Variants in EFTUD2 observed in about 807,000 individuals in gnomAD.
EFTUD2 encodes 116 kDa U5 small nuclear ribonucleoprotein component.
Under a neutral mutation model 114.3 loss-of-function variants are expected in EFTUD2, and 9 were observed. The observed-to-expected ratio is 0.08, with a 90% CI of 0.05 to 0.14. The LOEUF (loss-of-function observed/expected upper bound fraction) is 0.14, where lower values mean the gene tolerates loss of function less well. EFTUD2 is among the 10% of genes least tolerant of loss of function. The pLI is 1.00. For synonymous variants in EFTUD2, 449 were observed against 462.3 expected (o/e 0.97, Z 0.37); for missense variants, 765 against 1,241.2 (o/e 0.62, Z 5.76).
At position 44,876,390 on chromosome 17, in the gene EFTUD2, C is replaced by T. The variant is rs7226037; in HGVS notation, c.703-290G>A. Among the ~76,000 whole-genome samples, 19,120 of 152,106 alleles carry T rather than the reference C, an allele frequency of 0.13. 1,385 individuals are homozygous for T. Among genetic ancestry groups the T allele is most frequent in the Non-Finnish European group, 0.17 (11,507 of 67,984 alleles). On this transcript the variant is annotated intron_variant, in intron 9 of 27. Coordinates refer to ENST00000426333, the MANE Select transcript of EFTUD2 (RefSeq NM_004247.4). ...AGAAGGCTGGGAAGAGCCAGTGGTG[C>T]TGAAATGGAATTGGGGGTATTAGGA...
At chr17:44,896,434 TC>T (rs2051386458) in intron 1 of EFTUD2, among the ~76,000 whole-genome samples, 1 of 152,062 alleles carries the variant, frequency 6.6e-6, no homozygotes, top group Non-Finnish European at 1.5e-5. Context: ...GATCATGAGG[TC>T]AGGAGATAGA....
intron 15 of EFTUD2, 72 bp from the exon 16 acceptor site, chr17:44,862,978 C>T: frequency 7.5e-7 from 1 of 1,340,084 alleles, no homozygotes; most frequent in Non-Finnish European, 1.0e-6. Flanking sequence ...CGCCATCTTC[C>T]TTGACAGCAA....
At chr17:44,883,235 A>G (rs1180966141) in intron 5 of EFTUD2, 77 bp from the exon 6 acceptor site, 5 of 1,352,726 alleles carry the variant, frequency 3.7e-6, no homozygotes, top group Non-Finnish European at 5.3e-6. Context: ...CTCCCAATAC[A>G]CCACATAATT....
intron 1 of EFTUD2, among the ~76,000 whole-genome samples, chr17:44,898,522 T>C (rs141643780): frequency 3.2e-4 from 49 of 152,308 alleles, no homozygotes; most frequent in African/African-American, 1.1e-3. Flanking sequence ...GCCCGGCCGA[T>C]TGAAGAAACT....
In EFTUD2 at chr17:44,883,742, A is replaced by G. The variant is rs193097454; in HGVS notation, c.351-18T>C. The G allele has an allele frequency of 8.7e-5, 141 of 1,612,922 alleles. No individual in the cohort carries two copies. The African/African-American group carries it at 1.8e-3, about 21-fold the overall frequency. On this transcript the variant is annotated intron_variant, in intron 4 of 27. Coordinates refer to ENST00000426333, the MANE Select transcript of EFTUD2 (RefSeq NM_004247.4). Reference sequence around the variant, plus strand: ...CCAAGAAACTGAAAGGACAAAGGAAAAGAGAAAAGAGAGATTGGCAAACGT... The same window carrying G: ...CCAAGAAACTGAAAGGACAAAGGAAGAGAGAAAAGAGAGATTGGCAAACGT...
chr17:44,859,641 GCACA>G (rs139421777), intron 18 of EFTUD2: 53 of 517,106 alleles, frequency 1.0e-4, no homozygotes, highest in South Asian at 1.8e-4. Flanking sequence ...ACACAAATAC[GCACA>G]CACACACACA....
At chr17:44,869,469 T>A (rs1026300435) in intron 11 of EFTUD2, among the ~76,000 whole-genome samples, 1 of 152,146 alleles carries the variant, frequency 6.6e-6, no homozygotes, top group Non-Finnish European at 1.5e-5. Context: ...CAGCTAATTT[T>A]TAAAATTTTT....
intron 16 of EFTUD2, 64 bp downstream of exon 16, chr17:44,862,649 G>T: frequency 6.7e-7 from 1 of 1,484,364 alleles, no homozygotes; most frequent in Non-Finnish European, 9.1e-7. Context: ...ACTCCTTCCA[G>T]CTCCTTGGGG....
chr17:44,881,879 G>A lies in EFTUD2; in HGVS notation c.493-157C>T, dbSNP rs1001019638. ...TGTCCCCACAGCAATTACAGACAAT[G>A]AGACCAGTGCCCTCCCAGCTGGAAA... On this transcript the variant is annotated intron_variant, in intron 6 of 27. Transcript: ENST00000426333. 9 of 656,286 alleles carry A rather than the reference G, an allele frequency of 1.4e-5. No individual in the cohort carries two copies. In the South Asian group the frequency reaches 1.6e-4, roughly 12 times the overall value. 40.7% of individuals were successfully genotyped at this position (656,286 alleles called of 1,614,324 possible). A position where few individuals can be genotyped will look rare whatever the true frequency, so the allele number is the denominator to read the frequency against.
intron 10 of EFTUD2, among the ~76,000 whole-genome samples, chr17:44,875,401 G>A (rs548499379): frequency 6.6e-6 from 1 of 151,952 alleles, no homozygotes; most frequent in Non-Finnish European, 1.5e-5. Flanking sequence ...GTGGTGACGG[G>A]TGCCTGTAGT....
In EFTUD2 at chr17:44,868,014, A is replaced by G. The variant is rs558589130; in HGVS notation, c.1059-117T>C. On this transcript the variant is annotated intron_variant, in intron 12 of 27. Transcript: ENST00000426333. ...AGCCCAGGGGAGGAATGTGTGTGTG[A>G]CTGTAAAGTTTCCAGAGACAGATTC... 24 of 1,055,218 alleles carry G rather than the reference A, an allele frequency of 2.3e-5. No homozygotes were observed. The African/African-American group carries it at 3.2e-4, about 14-fold the overall frequency. 65.4% of individuals were successfully genotyped at this position (1,055,218 alleles called of 1,614,324 possible). A position where few individuals can be genotyped will look rare whatever the true frequency, so the allele number is the denominator to read the frequency against.
chr17:44,884,038 G>GCA, intron 4 of EFTUD2: 23 of 314,084 alleles, frequency 7.3e-5, no homozygotes, highest in Non-Finnish European at 1.2e-4. Context: ...AGGCCGAGGT[G>GCA]GGTGGATTAC....
intron 10 of EFTUD2, among the ~76,000 whole-genome samples, chr17:44,875,194 C>A (rs2050923564): frequency 6.6e-6 from 1 of 151,138 alleles, no homozygotes. Context: ...AAGACTCCAT[C>A]TCTACAAAAA....
rs566502538 is a variant in EFTUD2, at chr17:44,890,700, A to G, written c.105+3717T>C. On this transcript the variant is annotated intron_variant, in intron 2 of 27. Coordinates refer to ENST00000426333, the MANE Select transcript of EFTUD2 (RefSeq NM_004247.4). ...AGAGCGAAACTCCATCTCAAAAAAT[A>G]ACAATAATAATAAATCTATGCATCT... Among the ~76,000 whole-genome samples the G allele has an allele frequency of 5.3e-5, 8 of 152,208 alleles. No individual in the cohort carries two copies. In the South Asian group the frequency reaches 1.7e-3, roughly 32 times the overall value.
chr17:44,853,013 T>C (rs1373057370), intron 25 of EFTUD2, among the ~76,000 whole-genome samples: 2 of 152,124 alleles, frequency 1.3e-5, no homozygotes, highest in Admixed American at 1.3e-4. Context: ...CCCAAGTAGC[T>C]GGGACTACAG....
intron 2 of EFTUD2, among the ~76,000 whole-genome samples, chr17:44,893,767 T>TG (rs775875878): frequency 0.018 from 1,546 of 85,422 alleles, 37 homozygotes; most frequent in Admixed American, 0.073. Flanking sequence ...TAAAAAAAGG[T>TG]GGGGGGGGGG....
Position 44,872,526 on chromosome 17 carries a change from C to G in EFTUD2, c.914G>C (p.Gly305Ala). 2 of 1,613,138 alleles carry G rather than the reference C, an allele frequency of 1.2e-6. No homozygotes were observed. The highest frequency in any genetic ancestry group is 1.7e-6 in the Non-Finnish European group (2 of 1,179,396). ...DENLILSPLL[G>A]NVCFSSSQYS... The stretch of plus-strand genomic sequence containing the variant: ...CTGGGAGCTGGAGAAGCAGACGTTA[C>G]CCAGGAGTGGGGAAAGGATCAGGTT... The change falls in exon 11 of 28, where the codon GGT becomes GCT. Residue 305 changes from glycine (G) to alanine (A), a missense_variant. This residue lies in a region of EFTUD2 where 251 missense variants were observed against 357.7 expected (regional missense o/e 0.70). Coordinates refer to ENST00000426333, the MANE Select transcript of EFTUD2 (RefSeq NM_004247.4).
At chr17:44,871,664 A>AT (rs886880787) in intron 11 of EFTUD2, among the ~76,000 whole-genome samples, 21 of 150,454 alleles carry the variant, frequency 1.4e-4, no homozygotes, top group African/African-American at 2.4e-4. Context: ...TTAATCCCTC[A>AT]TTTTTTTTTC....
At chr17:44,871,498 C>A (rs1000398052) in intron 11 of EFTUD2, among the ~76,000 whole-genome samples, 1 of 152,030 alleles carries the variant, frequency 6.6e-6, no homozygotes, top group African/African-American at 2.4e-5. Flanking sequence ...GCCACCACGC[C>A]TGGCTAATTT....
Sources: allele counts gnomAD v4.1 joint callset (sites outside exome capture counted in the v4.1 genomes callset), GRCh38; gene constraint gnomAD v4.1.1; regional missense constraint gnomAD v4.1.1; transcripts MANE v1.5; gene names NCBI Gene and HGNC (gene_info 2026-07-23, HGNC 2026-07-21).